RBMS3: variants seen among roughly 807,000 people sequenced by gnomAD.
RBMS3 encodes the protein RNA binding motif single stranded interacting protein 3.
RBMS3 carries 27 observed loss-of-function variants against 66.8 expected under a neutral mutation model. The ratio of observed to expected loss-of-function variants is 0.40; its 90% CI spans 0.30 to 0.56. The LOEUF (loss-of-function observed/expected upper bound fraction) is 0.56, where lower values mean the gene tolerates loss of function less well. Among genes scored for constraint, RBMS3 ranks in the 20% least tolerant of loss-of-function variants. The pLI, the probability that RBMS3 is intolerant of heterozygous loss-of-function variation, is 0.40. For synonymous variants in RBMS3, 188 were observed against 183.0 expected, an observed-to-expected ratio of 1.03 and a Z score of -0.22; for missense variants, 513 against 549.5, an observed-to-expected ratio of 0.93 and a Z score of 0.66.
intron 10 of RBMS3, among the ~76,000 whole-genome samples, chr3:29,934,698 T>C (rs1328219093): frequency 2.0e-5 from 3 of 152,108 alleles, no homozygotes; most frequent in Non-Finnish European, 4.4e-5. Flanking sequence ...TTCTGATTGA[T>C]TCCTACTGAA....
chr3:29,891,997 A>C (rs9857647), intron 8 of RBMS3, among the ~76,000 whole-genome samples: 2 of 151,304 alleles, frequency 1.3e-5, no homozygotes, highest in Non-Finnish European at 3.0e-5. Context: ...AAAAAAATTA[A>C]ACCCTGGGGT....
At chr3:29,598,845 T>TA (rs2048051094) in intron 4 of RBMS3, among the ~76,000 whole-genome samples, 1 of 151,968 alleles carries the variant, frequency 6.6e-6, no homozygotes, top group East Asian at 1.9e-4. Context: ...GATTTTTTTT[T>TA]AAAAGGAACA....
At chr3:29,898,655 A>G (rs2060182045) in intron 9 of RBMS3, among the ~76,000 whole-genome samples, 1 of 150,756 alleles carries the variant, frequency 6.6e-6, no homozygotes, top group African/African-American at 2.4e-5. Flanking sequence ...TGATTTCTTA[A>G]TTGCCTTTCC....
intron 10 of RBMS3, among the ~76,000 whole-genome samples, chr3:29,911,021 T>C (rs1178294342): frequency 6.6e-6 from 1 of 151,988 alleles, no homozygotes; most frequent in African/African-American, 2.4e-5. Context: ...AACAAATAAT[T>C]CTAATATGTT....
intron 4 of RBMS3, among the ~76,000 whole-genome samples, chr3:29,678,606 G>A (rs2051352872): frequency 6.6e-6 from 1 of 152,154 alleles, no homozygotes; most frequent in Non-Finnish European, 1.5e-5. Flanking sequence ...ACCCACTTGT[G>A]ATCTCAGGGA....
At chr3:29,702,847 T>C (rs577233179) in intron 4 of RBMS3, among the ~76,000 whole-genome samples, 2 of 152,252 alleles carry the variant, frequency 1.3e-5, no homozygotes, top group African/African-American at 4.8e-5. Flanking sequence ...CACACCACCT[T>C]TAAGAACTGT....
chr3:29,731,577 C>G (rs919508768), intron 4 of RBMS3, among the ~76,000 whole-genome samples: 1 of 152,106 alleles, frequency 6.6e-6, no homozygotes, highest in Admixed American at 6.5e-5. Context: ...TCCCTTTGGT[C>G]TTTAATGCCT....
intron 6 of RBMS3, among the ~76,000 whole-genome samples, chr3:29,796,269 C>T (rs2057181165): frequency 6.6e-6 from 1 of 152,140 alleles, no homozygotes; most frequent in Non-Finnish European, 1.5e-5. Context: ...CACCCCCATG[C>T]TCCACTTCTA....
intron 4 of RBMS3, among the ~76,000 whole-genome samples, chr3:29,638,230 T>TG (rs1288239420): frequency 7.4e-6 from 1 of 134,566 alleles, no homozygotes; most frequent in African/African-American, 2.9e-5. Context: ...TTTCTTGTAG[T>TG]AATTTTTTTT....
At chr3:29,418,703 G>T (rs2040579120) in intron 1 of RBMS3, among the ~76,000 whole-genome samples, 1 of 152,030 alleles carries the variant, frequency 6.6e-6, no homozygotes, top group South Asian at 2.1e-4. Flanking sequence ...ACTCTAGAGG[G>T]TGCCTATTTT....
intron 6 of RBMS3, among the ~76,000 whole-genome samples, chr3:29,799,207 G>T (rs188739139): frequency 6.6e-6 from 1 of 152,058 alleles, no homozygotes; most frequent in Non-Finnish European, 1.5e-5. Flanking sequence ...AACACAGATG[G>T]TCAAATCAAT....
At chr3:29,314,680 T>C (rs1258153327) in intron 1 of RBMS3, among the ~76,000 whole-genome samples, 1 of 151,706 alleles carries the variant, frequency 6.6e-6, no homozygotes, top group African/African-American at 2.4e-5. Context: ...CAAAACCTAC[T>C]GGGGAGCTGA....
intron 2 of RBMS3, among the ~76,000 whole-genome samples, chr3:29,435,992 G>C (rs536730935): frequency 7.2e-6 from 1 of 138,910 alleles, no homozygotes; most frequent in East Asian, 2.2e-4. Context: ...AAAAGAAGAC[G>C]AATCGTAGAC....
At chr3:29,642,272 A>G (rs769686140) in intron 4 of RBMS3, among the ~76,000 whole-genome samples, 10 of 151,968 alleles carry the variant, frequency 6.6e-5, no homozygotes, top group Non-Finnish European at 1.2e-4. Context: ...GTCTTCTCTT[A>G]TTTACACCCA....
chr3:29,314,439 T>A (rs1013148716), intron 1 of RBMS3, among the ~76,000 whole-genome samples: 3 of 151,702 alleles, frequency 2.0e-5, no homozygotes, highest in African/African-American at 7.3e-5. Context: ...AGGTCACTGC[T>A]GGAAGGCAGC....
intron 3 of RBMS3, among the ~76,000 whole-genome samples, chr3:29,555,439 C>A (rs2046324015): frequency 6.6e-6 from 1 of 152,150 alleles, no homozygotes; most frequent in Non-Finnish European, 1.5e-5. Context: ...AAGTTGAAAT[C>A]TGGAAATCCA....
At chr3:29,745,714 C>T (rs1013571916) in intron 5 of RBMS3, among the ~76,000 whole-genome samples, 1 of 152,174 alleles carries the variant, frequency 6.6e-6, no homozygotes, top group African/African-American at 2.4e-5. Flanking sequence ...TGAGAGACCA[C>T]TGAACAGAGA....
At chr3:29,949,752 T>C (rs1224822602) in intron 12 of RBMS3, among the ~76,000 whole-genome samples, 1 of 151,488 alleles carries the variant, frequency 6.6e-6, no homozygotes, top group Non-Finnish European at 1.5e-5. Flanking sequence ...ATTTTTTATA[T>C]ATTTTTTTAA....
intron 5 of RBMS3, among the ~76,000 whole-genome samples, chr3:29,743,594 C>G (rs116243895): frequency 0.012 from 1,791 of 152,288 alleles, 15 homozygotes; most frequent in Non-Finnish European, 0.019. Context: ...TCTAAAAGCA[C>G]TCTAAAGCTT....
Sources: gnomAD v4.1 joint callset for allele counts (sites outside exome capture counted in the v4.1 genomes callset) on GRCh38, gnomAD v4.1.1 for gene constraint, MANE v1.5 for transcripts, NCBI Gene and HGNC (gene_info 2026-07-23, HGNC 2026-07-21) for gene names.